The following DOCK9 variants were observed in gnomAD, a reference collection of about 807,000 sequenced individuals.
DOCK9 encodes the protein dedicator of cytokinesis protein 9.
Under a neutral mutation model 263.3 loss-of-function variants are expected in DOCK9, and 89 were observed. That is an observed-to-expected ratio of 0.34 (90% CI 0.28 to 0.40). DOCK9 has a LOEUF of 0.40. Among genes scored for constraint, DOCK9 ranks in the 10% least tolerant of loss-of-function variants. The pLI is 1.00. For missense variants in DOCK9, 2,140 were observed against 2,603.4 expected (o/e 0.82, Z 3.87); for synonymous variants, 976 against 973.1 (o/e 1.00, Z -0.06).
intron 32 of DOCK9, 100 bp from the exon 33 acceptor site, chr13:98,860,622 G>A (rs2093835642): frequency 3.9e-6 from 4 of 1,029,784 alleles, no homozygotes; most frequent in African/African-American, 1.6e-5. Flanking sequence ...AAGACAGCCT[G>A]ATGCATTCAA....
At chr13:98,904,866 C>T (rs180679838) in intron 9 of DOCK9, among the ~76,000 whole-genome samples, 160 bp from the exon 10 acceptor site, 89 of 152,282 alleles carry the variant, frequency 5.8e-4, no homozygotes, top group Non-Finnish European at 9.1e-4. Context: ...GTGCAGCACA[C>T]AAAGAAAGCA....
intron 23 of DOCK9, 104 bp downstream of exon 23, chr13:98,882,938 A>C (rs1300753226): frequency 2.3e-6 from 2 of 884,514 alleles, no homozygotes; most frequent in Non-Finnish European, 3.5e-6. Flanking sequence ...TGAGACATCC[A>C]GGTAAGAGCT....
intron 2 of DOCK9, among the ~76,000 whole-genome samples, chr13:98,951,727 G>C (rs9584973): frequency 1.2e-3 from 188 of 152,284 alleles, no homozygotes; most frequent in African/African-American, 4.3e-3. Context: ...ATCTAGAAGA[G>C]AAGATGCTGC....
intron 27 of DOCK9, among the ~76,000 whole-genome samples, chr13:98,870,912 A>AC (rs5806077): frequency 0.018 from 2,795 of 151,620 alleles, 92 homozygotes; most frequent in Admixed American, 0.077. Flanking sequence ...AAAAAAAAAA[A>AC]AGTCCAAACA....
chr13:98,848,068 G>A (rs536954183), intron 37 of DOCK9, among the ~76,000 whole-genome samples: 1 of 152,330 alleles, frequency 6.6e-6, no homozygotes, highest in South Asian at 2.1e-4. Flanking sequence ...TCAAGAGTAG[G>A]AAGAGAAAAG....
At chr13:98,968,462 A>G (rs1277104105) in intron 1 of DOCK9, among the ~76,000 whole-genome samples, 2 of 152,136 alleles carry the variant, frequency 1.3e-5, no homozygotes, top group African/African-American at 2.4e-5. Flanking sequence ...TCTACTAAAA[A>G]TACAAAAACC....
chr13:98,941,214 A>G (rs2055781071), intron 2 of DOCK9, among the ~76,000 whole-genome samples: 1 of 152,144 alleles, frequency 6.6e-6, no homozygotes, highest in Admixed American at 6.5e-5. Flanking sequence ...TTCATCTTTA[A>G]TTCTCCAATA....
chr13:98,861,064 T>C (rs1203263361), intron 32 of DOCK9, among the ~76,000 whole-genome samples: 2 of 152,180 alleles, frequency 1.3e-5, no homozygotes, highest in African/African-American at 4.8e-5. Context: ...TTTGTTAGGA[T>C]TGAAACAGTT....
chr13:98,881,097 T>C (rs2044681549), intron 25 of DOCK9, among the ~76,000 whole-genome samples: 1 of 152,238 alleles, frequency 6.6e-6, no homozygotes, highest in Admixed American at 6.5e-5. Flanking sequence ...ATGTTGTATA[T>C]AAATAAATAA....
intron 6 of DOCK9, 104 bp downstream of exon 6, chr13:98,921,947 T>G: frequency 7.0e-6 from 7 of 996,032 alleles, no homozygotes; most frequent in African/African-American, 3.2e-5. Context: ...CAATGTCCCT[T>G]TTGTGGGGAA....
At chr13:98,991,149 A>G (rs907405696) in intron 1 of DOCK9, among the ~76,000 whole-genome samples, 1 of 151,508 alleles carries the variant, frequency 6.6e-6, no homozygotes, top group South Asian at 2.1e-4. Context: ...TTGGCTCACC[A>G]CAACCTCCGC....
chr13:98,980,323 T>C (rs1595812191), upstream of DOCK9, among the ~76,000 whole-genome samples: 1 of 152,276 alleles, frequency 6.6e-6, no homozygotes. Context: ...GATTGTTTAT[T>C]TAATCTTCAT....
At chr13:98,845,500 G>A (rs1488499654) in intron 38 of DOCK9, 21 of 505,524 alleles carry the variant, frequency 4.2e-5, no homozygotes, top group Non-Finnish European at 6.4e-5. Flanking sequence ...ATGTCAGAAT[G>A]TGGACGCTTG....
In DOCK9 at chr13:98,930,201, C is replaced by A; in HGVS notation, c.300G>T (p.Ala100=). 6.2e-7 allele frequency: 1 copy of A among 1,611,838 alleles called. No individual in the cohort carries two copies. Among genetic ancestry groups the A allele is most frequent in the Non-Finnish European group, 8.5e-7 (1 of 1,179,004 alleles). Residue 100 remains alanine (A), a synonymous_variant, in exon 3 of 53, where the codon GCG becomes GCT. Coordinates refer to ENST00000682017, the MANE Select transcript of DOCK9 (RefSeq NM_001366683.2). Reference sequence around the variant, plus strand: ...CAAACAAGCTCTGTGCTTCCTCTTCCGCCTTCGCAGGCACTGTTGAGCATA... The same window carrying A: ...CAAACAAGCTCTGTGCTTCCTCTTCAGCCTTCGCAGGCACTGTTGAGCATA... ...RYICSTVPAK[A]EEEAQSLFVT... is the part of the protein sequence containing the mutation.
chr13:98,819,181 G>C (rs1431806818), intron 45 of DOCK9, among the ~76,000 whole-genome samples: 1 of 152,174 alleles, frequency 6.6e-6, no homozygotes, highest in Non-Finnish European at 1.5e-5. Flanking sequence ...AACAAAATCT[G>C]GGTTTGGGGG....
rs529934820 is a variant in DOCK9 at position 99,060,579 on chromosome 13, C to A, written c.129+25644G>T. ...TTCCAAGTGCCTGCACCATTTAACA[C>A]CAGCAATGTATGACGGTTCAAATCT... On this transcript the variant is annotated intron_variant, in intron 1 of 32. Coordinates refer to the DOCK9 transcript ENST00000427887. Among the ~76,000 whole-genome samples the A allele has an allele frequency of 8.5e-5, 13 of 152,290 alleles. No individual in the cohort carries two copies. The South Asian group carries it at 2.7e-3, about 32-fold the overall frequency.
upstream of DOCK9, among the ~76,000 whole-genome samples, chr13:98,982,958 T>C (rs1877556853): frequency 6.6e-6 from 1 of 152,224 alleles, no homozygotes; most frequent in Non-Finnish European, 1.5e-5. Context: ...AATAAATCTA[T>C]ATAAATTTTG....
rs539888135 is a variant in DOCK9, at chr13:98,887,753, ACTG to A, written c.2043+402_2043+404del. ...TTTCAATAAAAGTTACCTATAATCT[ACTG>A]CTATTATTATTACTATACTGTAGTA... On this transcript the variant is annotated intron_variant, in intron 18 of 52. Transcript: ENST00000682017. Among the ~76,000 whole-genome samples, 39 of 152,118 alleles carry A rather than the reference ACTG, an allele frequency of 2.6e-4. 1 individual carries two copies. The highest frequency in any genetic ancestry group is 9.4e-4 in the African/African-American group (39 of 41,520).
At chr13:98,978,758 TG>T (rs1462288661), upstream of DOCK9, among the ~76,000 whole-genome samples, 1 of 152,056 alleles carries the variant, frequency 6.6e-6, no homozygotes, top group Non-Finnish European at 1.5e-5. Context: ...CACATCTAGC[TG>T]GGAAGGCAAG....
Sources: gnomAD v4.1 joint callset for allele counts (sites outside exome capture counted in the v4.1 genomes callset) on GRCh38, gnomAD v4.1.1 for gene constraint, MANE v1.5 for transcripts, NCBI Gene and HGNC (gene_info 2026-07-23, HGNC 2026-07-21) for gene names.